The following PTER variants were observed in gnomAD, a reference collection of about 807,000 sequenced individuals.
The protein encoded by PTER is phosphotriesterase related.
Under a neutral mutation model 29.6 loss-of-function variants are expected in PTER, and 38 were observed. The observed-to-expected ratio is 1.28, with a 90% CI of 0.99 to 1.68. The LOEUF is 1.68. PTER is among the 40% of genes most tolerant of loss of function. The pLI is 0.00. For missense variants in PTER, 482 were observed against 427.8 expected (o/e 1.13, Z -1.12); for synonymous variants, 172 against 154.5 (o/e 1.11, Z -0.84).
chr10:16,511,014 A>T, intron 4 of PTER, 32 bp from the exon 5 acceptor site: 1 of 1,575,694 alleles, frequency 6.3e-7, no homozygotes, highest in Non-Finnish European at 8.7e-7. Context: ...ATGAAAGACA[A>T]ATGACATCTA....
intron 2 of PTER, 36 bp from the exon 3 acceptor site, chr10:16,486,316 A>G (rs770670769): frequency 1.4e-5 from 22 of 1,553,924 alleles, no homozygotes; most frequent in Non-Finnish European, 1.7e-5. Flanking sequence ...TAAATTTCAC[A>G]ACCTATAAAA....
At chr10:16,492,470 A>C (rs1398073762) in intron 3 of PTER, among the ~76,000 whole-genome samples, 2 of 152,226 alleles carry the variant, frequency 1.3e-5, no homozygotes, top group Non-Finnish European at 2.9e-5. Flanking sequence ...GATTAAAAAA[A>C]ACAACACCCC....
At chr10:16,486,141 A>G (rs1835685493) in intron 2 of PTER, among the ~76,000 whole-genome samples, 2 of 152,158 alleles carry the variant, frequency 1.3e-5, no homozygotes, top group Admixed American at 6.5e-5. Context: ...TCATGGTATG[A>G]TATTATCGAA....
At chr10:16,506,640 A>T (rs746553055) in intron 4 of PTER, among the ~76,000 whole-genome samples, 1 of 152,110 alleles carries the variant, frequency 6.6e-6, no homozygotes, top group Non-Finnish European at 1.5e-5. Flanking sequence ...CTCCATGGAA[A>T]TGAGAGGGCA....
chr10:16,438,949 C>T (rs893359290), intron 1 of PTER, among the ~76,000 whole-genome samples: 2 of 145,970 alleles, frequency 1.4e-5, no homozygotes, highest in Admixed American at 6.9e-5. Flanking sequence ...GGTAAGTGGT[C>T]TCTAGGTCGC....
At chr10:16,449,343 C>T (rs1261301178) in intron 1 of PTER, among the ~76,000 whole-genome samples, 3 of 151,954 alleles carry the variant, frequency 2.0e-5, no homozygotes, top group Non-Finnish European at 2.9e-5. Flanking sequence ...ACCCACTGGA[C>T]CCACTGTATT....
rs1355701383 is a variant in PTER, at chr10:16,513,263, T to C, written c.*2007T>C. ...ACTGTTTTTGCTACTCCATATATTG[T>C]CATTCAAAATATATTTTAACCCAAA... On this transcript the variant is annotated 3_prime_UTR_variant, in exon 5 of 5. Transcript: ENST00000535784. 1 of 152,548 alleles carries C rather than the reference T, an allele frequency of 6.6e-6. No homozygotes were observed. Among genetic ancestry groups the C allele is most frequent in the East Asian group, 1.9e-4 (1 of 5,202 alleles). 9.4% of individuals were successfully genotyped at this position (152,548 alleles called of 1,614,324 possible). A position where few individuals can be genotyped will look rare whatever the true frequency, so the allele number is the denominator to read the frequency against.
chr10:16,469,514 A>AG (rs546930559), intron 1 of PTER, among the ~76,000 whole-genome samples: 5 of 151,914 alleles, frequency 3.3e-5, no homozygotes, highest in Admixed American at 2.6e-4. Flanking sequence ...TGAAGGGGAA[A>AG]AGGAATCAAA....
At chr10:16,472,712 A>G (rs182616867) in intron 1 of PTER, among the ~76,000 whole-genome samples, 245 of 152,366 alleles carry the variant, frequency 1.6e-3, no homozygotes, top group African/African-American at 5.5e-3. Context: ...AATAATTCCT[A>G]ATAAATACTT....
chr10:16,484,573 CG>C lies in PTER; in HGVS notation c.190del (p.Ala64ProfsTer10), dbSNP rs1564400674. 2 of 1,613,844 alleles carry C rather than the reference CG, an allele frequency of 1.2e-6. No homozygotes were observed. The highest frequency in any genetic ancestry group is 1.7e-6 in the Non-Finnish European group (2 of 1,179,986). ...AAAATTTATATTGGATTCAGAAAAA[CG>C]CCTATTCCCATAAAGAAAACCTTCA... ...MKNLYWIQKNAYSHKENLQLN... is the reference protein window; with the variant it reads ...MKNLYWIQKNXYSHKENLQLN... On this transcript the variant is annotated frameshift_variant, in exon 2 of 5. Transcript: ENST00000535784. LOFTEE classifies it high-confidence loss of function.
intron 1 of PTER, among the ~76,000 whole-genome samples, chr10:16,473,880 A>G (rs559542699): frequency 9.2e-5 from 14 of 152,288 alleles, no homozygotes; most frequent in Admixed American, 7.2e-4. Flanking sequence ...ATGAAATTTG[A>G]AATAAAAAGC....
At chr10:16,482,341 C>T (rs1038001273) in intron 1 of PTER, among the ~76,000 whole-genome samples, 1 of 152,230 alleles carries the variant, frequency 6.6e-6, no homozygotes, top group South Asian at 2.1e-4. Context: ...CCCCTTTGTT[C>T]CCCCAAATCA....
At chr10:16,478,829 A>C (rs1835375568) in intron 1 of PTER, among the ~76,000 whole-genome samples, 1 of 152,040 alleles carries the variant, frequency 6.6e-6, no homozygotes, top group South Asian at 2.1e-4. Context: ...TTATTCAAGG[A>C]GTCTGATGTG....
intron 1 of PTER, among the ~76,000 whole-genome samples, chr10:16,468,977 A>T (rs917911032): frequency 2.7e-5 from 3 of 112,918 alleles, no homozygotes; most frequent in Non-Finnish European, 4.2e-5. Context: ...CCTGTCTCTT[A>T]AAAAAAAAAG....
In PTER at chr10:16,477,298, A is replaced by AGATAGATAGATAGATAGATG. The variant is rs199577499; in HGVS notation, c.-48-7036_-48-7035insAGATAGATAGATAGATGGAT. Among the ~76,000 whole-genome samples the AGATAGATAGATAGATAGATG allele has an allele frequency of 5.8e-4, 81 of 138,756 alleles. 1 individual carries two copies. Among genetic ancestry groups the AGATAGATAGATAGATAGATG allele is most frequent in the Admixed American group, 5.1e-3 (74 of 14,516 alleles). 91.0% of individuals were successfully genotyped at this position (138,756 alleles called of 152,430 possible). A position where few individuals can be genotyped will look rare whatever the true frequency, so the allele number is the denominator to read the frequency against. On this transcript the variant is annotated intron_variant, in intron 1 of 4. Coordinates refer to ENST00000535784, the MANE Select transcript of PTER (RefSeq NM_001261836.2). ...TAGATAGATAGATAGATAGATAGAT[A>AGATAGATAGATAGATAGATG]GATGGATGTCTGTCTGTCTGCACAT...
intron 1 of PTER, among the ~76,000 whole-genome samples, chr10:16,447,304 G>T (rs994026032): frequency 6.6e-6 from 1 of 150,912 alleles, no homozygotes; most frequent in Admixed American, 6.6e-5. Context: ...TCACTGTGTT[G>T]CTCAGGTCAA....
chr10:16,456,583 G>A (rs1834402132), intron 1 of PTER, among the ~76,000 whole-genome samples: 1 of 152,126 alleles, frequency 6.6e-6, no homozygotes, highest in Non-Finnish European at 1.5e-5. Context: ...CAGAAGAATA[G>A]CTCTGCTTGT....
intron 1 of PTER, among the ~76,000 whole-genome samples, chr10:16,464,389 G>C (rs1349762641): frequency 6.6e-6 from 1 of 152,156 alleles, no homozygotes; most frequent in Non-Finnish European, 1.5e-5. Context: ...CAACTTTGAA[G>C]GCTTTCCTAT....
chr10:16,465,621 G>C (rs1222045570), intron 1 of PTER, among the ~76,000 whole-genome samples: 2 of 152,084 alleles, frequency 1.3e-5, no homozygotes, highest in Admixed American at 1.3e-4. Flanking sequence ...GGAACTGAAG[G>C]GTGGATAGAA....
Sources: gnomAD v4.1 joint callset for allele counts (sites outside exome capture counted in the v4.1 genomes callset) on GRCh38, gnomAD v4.1.1 for gene constraint, MANE v1.5 for transcripts, NCBI Gene and HGNC (gene_info 2026-07-23, HGNC 2026-07-21) for gene names.